Variants in SRGAP2C observed in about 807,000 individuals in gnomAD.
SRGAP2C encodes the protein SLIT-ROBO Rho GTPase-activating protein 2C.
Under a neutral mutation model 25.1 loss-of-function variants are expected in SRGAP2C, and 15 were observed. The observed-to-expected ratio is 0.60, with a 90% confidence interval of 0.40 to 0.92. SRGAP2C has a LOEUF of 0.92. Among genes scored for constraint, SRGAP2C ranks in the 40% least tolerant of loss-of-function variants. The probability of loss-of-function intolerance (pLI) is 0.00; values close to 1 mark genes in which losing one functional copy is unlikely to be tolerated. For synonymous variants in SRGAP2C, 44 were observed against 96.6 expected, an observed-to-expected ratio of 0.46 and a Z score of 3.19; for missense variants, 144 against 264.4, an observed-to-expected ratio of 0.54 and a Z score of 3.16.
At chr1:121,376,042 G>GT (rs1659637727) in intron 7 of SRGAP2C, among the ~76,000 whole-genome samples, 1 of 132,228 alleles carries the variant, frequency 7.6e-6, no homozygotes. Context: ...TCTTGGCCTT[G>GT]TTTTTCCTGC....
At chr1:121,377,259 GTTTCTTTTTTTTT>G (rs1553353561) in intron 7 of SRGAP2C, among the ~76,000 whole-genome samples, 5 of 66,060 alleles carry the variant, frequency 7.6e-5, no homozygotes, top group African/African-American at 3.1e-4. Flanking sequence ...AGTTTCTCAT[GTTTCTTTTTTTTT>G]TTTTTTTTTT....
At chr1:121,210,185 T>C (rs1570706894) in intron 2 of SRGAP2C, among the ~76,000 whole-genome samples, 2 of 152,076 alleles carry the variant, frequency 1.3e-5, no homozygotes, top group South Asian at 2.1e-4. Context: ...GTCCTTCTCA[T>C]AGATCTGAGA....
chr1:121,324,017 A>G (rs1205870482), intron 3 of SRGAP2C, among the ~76,000 whole-genome samples: 1 of 152,220 alleles, frequency 6.6e-6, no homozygotes, highest in Non-Finnish European at 1.5e-5. Flanking sequence ...TAGCCAGACA[A>G]TGCAGAACTG....
At chr1:121,280,571 T>C (rs2101562901) in intron 2 of SRGAP2C, among the ~76,000 whole-genome samples, 1 of 151,900 alleles carries the variant, frequency 6.6e-6, no homozygotes, top group South Asian at 2.1e-4. Context: ...TAAGATTTGC[T>C]GAATAAATGG....
chr1:121,287,692 G>A (rs1392281482), intron 3 of SRGAP2C, among the ~76,000 whole-genome samples: 12 of 152,316 alleles, frequency 7.9e-5, no homozygotes, highest in Non-Finnish European at 1.2e-4. Flanking sequence ...GAATGAGGCC[G>A]CGGACCCTCG....
rs1182312512 is a variant in SRGAP2C, at chr1:121,389,144, T to TTTTA, written c.*1290_*1291insTTAT. 3.9e-5 allele frequency: 6 copies of TTTTA among 152,104 alleles called. No homozygotes were observed. Among genetic ancestry groups the TTTTA allele is most frequent in the Admixed American group, 3.9e-4 (6 of 15,278 alleles). 9.4% of individuals were successfully genotyped at this position (152,104 alleles called of 1,614,324 possible). A position where few individuals can be genotyped will look rare whatever the true frequency, so the allele number is the denominator to read the frequency against. On this transcript the variant is annotated 3_prime_UTR_variant, in exon 10 of 10. Coordinates refer to ENST00000367123, the MANE Select transcript of SRGAP2C (RefSeq NM_001329984.2). ...CTAAGTCATATAATTATAATATTCT[T>TTTTA]TAAGCATATTTATGAGTAAAATATT...
At chr1:121,221,923 A>G (rs1452129590) in intron 2 of SRGAP2C, among the ~76,000 whole-genome samples, 1 of 152,032 alleles carries the variant, frequency 6.6e-6, no homozygotes, top group Non-Finnish European at 1.5e-5. Flanking sequence ...TTGAAATGCT[A>G]GCGTCCTAGC....
At chr1:121,322,235 G>A (rs1333043895) in intron 3 of SRGAP2C, among the ~76,000 whole-genome samples, 1 of 144,280 alleles carries the variant, frequency 6.9e-6, no homozygotes, top group African/African-American at 2.7e-5. Context: ...GCTTACTGAG[G>A]ACATGGGTAT....
At chr1:121,300,285 T>C (rs1657675785) in intron 3 of SRGAP2C, among the ~76,000 whole-genome samples, 1 of 86,684 alleles carries the variant, frequency 1.2e-5, no homozygotes, top group African/African-American at 4.3e-5. Context: ...TGTCTGCTTC[T>C]GGTGAGGCCT....
chr1:121,222,200 T>A (rs1183482246), intron 2 of SRGAP2C, among the ~76,000 whole-genome samples: 1 of 152,192 alleles, frequency 6.6e-6, no homozygotes, highest in Admixed American at 6.5e-5. Context: ...GTGCTCATGG[T>A]CACACAGGTC....
At chr1:121,336,518 T>C (rs1553342538) in intron 4 of SRGAP2C, among the ~76,000 whole-genome samples, 2 of 110,616 alleles carry the variant, frequency 1.8e-5, no homozygotes, top group East Asian at 6.7e-4. Flanking sequence ...TCCTTCTCCC[T>C]CTCCTTGTTT....
intron 2 of SRGAP2C, among the ~76,000 whole-genome samples, chr1:121,201,636 CTT>C (rs1283379995): frequency 1.3e-5 from 2 of 152,250 alleles, no homozygotes; most frequent in Non-Finnish European, 1.5e-5. Flanking sequence ...TCTAACAAAA[CTT>C]AATGTAAAAT....
At chr1:121,249,576 ATATATTTTTT>A (rs1451048475) in intron 2 of SRGAP2C, among the ~76,000 whole-genome samples, 15 of 21,506 alleles carry the variant, frequency 7.0e-4, no homozygotes, top group African/African-American at 2.0e-3. Flanking sequence ...ATATATATAT[ATATATTTTTT>A]TTTTTTTTTT....
At chr1:121,310,362 C>A (rs1657954251) in intron 3 of SRGAP2C, among the ~76,000 whole-genome samples, 1 of 128,504 alleles carries the variant, frequency 7.8e-6, no homozygotes. Context: ...AATTTTCTCC[C>A]ATGTTGTAGG....
chr1:121,335,305 C>T (rs1658486977), intron 4 of SRGAP2C, among the ~76,000 whole-genome samples: 2 of 144,446 alleles, frequency 1.4e-5, no homozygotes, highest in Non-Finnish European at 3.0e-5. Flanking sequence ...TGTGCCACTG[C>T]ACTCCAGCCT....
chr1:121,356,271 CCCT>C (rs1298148157), intron 4 of SRGAP2C, among the ~76,000 whole-genome samples: 1 of 27,612 alleles, frequency 3.6e-5, no homozygotes, highest in East Asian at 7.3e-4. Flanking sequence ...TACCAGGCTG[CCCT>C]CCTCCTCTTG....
rs1659526893 is a variant in SRGAP2C at position 121,372,655 on chromosome 1, C to T, written c.487-1316C>T. 3.8e-5 allele frequency among the ~76,000 whole-genome samples: 3 copies of T among 78,864 alleles called. No homozygotes were observed. In the South Asian group the frequency reaches 1.2e-3, roughly 32 times the overall value. The allele number at this position is 78,864 out of a possible 152,430, so 51.7% of individuals were successfully genotyped here. ...GAGTCTGACAGACCTGGGTTTGAAT[C>T]CTGATTCCACCATTTACTCATTGTA... On this transcript the variant is annotated intron_variant, in intron 5 of 9. Coordinates refer to ENST00000367123, the MANE Select transcript of SRGAP2C (RefSeq NM_001329984.2).
intron 2 of SRGAP2C, among the ~76,000 whole-genome samples, chr1:121,217,662 G>A (rs1424748229): frequency 9.2e-5 from 14 of 152,250 alleles, no homozygotes; most frequent in South Asian, 4.1e-4. Context: ...GACTTCTCTT[G>A]ACATGAGACT....
At chr1:121,371,256 G>GAT (rs1343863778) in intron 5 of SRGAP2C, among the ~76,000 whole-genome samples, 11 of 138,876 alleles carry the variant, frequency 7.9e-5, no homozygotes, top group Admixed American at 5.2e-4. Flanking sequence ...TATGTACATA[G>GAT]ATATATATAT....
Sources: allele counts gnomAD v4.1 joint callset (sites outside exome capture counted in the v4.1 genomes callset), GRCh38; gene constraint gnomAD v4.1.1; transcripts MANE v1.5; gene names NCBI Gene and HGNC (gene_info 2026-07-23, HGNC 2026-07-21).